The following HECW1 variants were observed in gnomAD, a reference collection of about 807,000 sequenced individuals.
HECW1 encodes HECT, C2 and WW domain containing E3 ubiquitin protein ligase 1.
HECW1 carries 61 observed loss-of-function variants against 182.3 expected under a neutral mutation model. That is an observed-to-expected ratio of 0.33 (90% CI 0.27 to 0.41). The LOEUF is 0.41. HECW1 is among the 10% of genes least tolerant of loss of function. The pLI is 1.00. For missense variants in HECW1, 1,739 were observed against 2,108.9 expected, an observed-to-expected ratio of 0.82 and a Z score of 3.44; for synonymous variants, 859 against 832.6, an observed-to-expected ratio of 1.03 and a Z score of -0.55.
In HECW1 at chr7:43,500,787, G is replaced by A. The variant is rs141534164; in HGVS notation, c.3521+5G>A. The A allele has an allele frequency of 7.0e-5, 113 of 1,612,284 alleles. No homozygotes were observed. Among genetic ancestry groups the A allele is most frequent in the Non-Finnish European group, 8.7e-5 (102 of 1,178,396 alleles). On this transcript the variant is annotated splice_donor_5th_base_variant and intron_variant, in intron 20 of 29. Coordinates refer to ENST00000395891, the MANE Select transcript of HECW1 (RefSeq NM_015052.5). Reference sequence around the variant, plus strand: ...GGATCTGGTCATTTTGCTGAGGTAGGGGGCTAGGCCTGAAATCCTTCTGGA... The same window carrying A: ...GGATCTGGTCATTTTGCTGAGGTAGAGGGCTAGGCCTGAAATCCTTCTGGA...
intron 8 of HECW1, among the ~76,000 whole-genome samples, chr7:43,420,847 C>A (rs1278260194): frequency 6.6e-6 from 1 of 152,114 alleles, no homozygotes; most frequent in Non-Finnish European, 1.5e-5. Context: ...AGTCAATATT[C>A]TTTAGGTGTC....
intron 4 of HECW1, among the ~76,000 whole-genome samples, chr7:43,317,493 T>G (rs1809474724): frequency 6.6e-6 from 1 of 152,252 alleles, no homozygotes; most frequent in African/African-American, 2.4e-5. Flanking sequence ...CAGCCCTGAA[T>G]TCCCTGCATT....
chr7:43,423,641 G>T lies in HECW1; in HGVS notation c.802-14362G>T, dbSNP rs376294206. The stretch of plus-strand genomic sequence containing the variant: ...GAGGAATAGAGTGAGCTGGGCAAGG[G>T]GTTAGCTTGGCACATCCATCCATGG... On this transcript the variant is annotated intron_variant, in intron 8 of 29. Coordinates refer to ENST00000395891, the MANE Select transcript of HECW1 (RefSeq NM_015052.5). Among the ~76,000 whole-genome samples the T allele has an allele frequency of 2.0e-5, 3 of 152,294 alleles. No homozygotes were observed. In the East Asian group the frequency reaches 5.8e-4, roughly 29 times the overall value.
intron 7 of HECW1, 152 bp from the exon 8 acceptor site, chr7:43,407,410 A>C (rs2075647411): frequency 1.8e-6 from 1 of 566,136 alleles, no homozygotes; most frequent in African/African-American, 1.9e-5. Context: ...GGTGACCCTC[A>C]CTCCTTCACC....
chr7:43,431,182 A>G (rs757818305), intron 8 of HECW1, among the ~76,000 whole-genome samples: 12 of 152,178 alleles, frequency 7.9e-5, no homozygotes, highest in Non-Finnish European at 1.3e-4. Context: ...TTGACCTTCA[A>G]TTACATTCAC....
intron 26 of HECW1, among the ~76,000 whole-genome samples, chr7:43,545,500 C>T (rs1004347322): frequency 6.6e-6 from 1 of 152,166 alleles, no homozygotes; most frequent in Non-Finnish European, 1.5e-5. Context: ...AAGGTTAGGG[C>T]GCTGAGTCCT....
At chr7:43,149,826 T>C (rs1789107744) in intron 2 of HECW1, among the ~76,000 whole-genome samples, 1 of 152,302 alleles carries the variant, frequency 6.6e-6, no homozygotes, top group East Asian at 1.9e-4. Context: ...CTTTATATAT[T>C]GCATGATTTG....
chr7:43,556,661 C>T (rs1409431234), intron 29 of HECW1, among the ~76,000 whole-genome samples: 4 of 150,616 alleles, frequency 2.7e-5, no homozygotes, highest in Non-Finnish European at 5.9e-5. Flanking sequence ...ACACTCCAGG[C>T]TGGGCAACAG....
At chr7:43,264,672 G>C (rs1311555832) in intron 3 of HECW1, among the ~76,000 whole-genome samples, 1 of 151,776 alleles carries the variant, frequency 6.6e-6, no homozygotes, top group Non-Finnish European at 1.5e-5. Flanking sequence ...AGTGAACCCC[G>C]TCTCTACTAA....
intron 16 of HECW1, among the ~76,000 whole-genome samples, chr7:43,469,583 A>T (rs2077933822): frequency 6.6e-6 from 1 of 152,204 alleles, no homozygotes; most frequent in African/African-American, 2.4e-5. Context: ...ACAGCCTAAC[A>T]AGCAGGGTGG....
intron 3 of HECW1, chr7:43,274,296 C>A: frequency 1.9e-6 from 2 of 1,039,862 alleles, no homozygotes; most frequent in Non-Finnish European, 1.4e-6. Context: ...GCTTCTGGTA[C>A]TTTGTATCTC....
At chr7:43,313,527 G>A (rs1808806773) in intron 4 of HECW1, among the ~76,000 whole-genome samples, 1 of 152,074 alleles carries the variant, frequency 6.6e-6, no homozygotes, top group South Asian at 2.1e-4. Flanking sequence ...AGTACAGACA[G>A]GGTTTCTCCA....
At position 43,563,530 on chromosome 7, in the gene HECW1, A is replaced by T. The variant is rs954853786; in HGVS notation, c.*1604A>T. On this transcript the variant is annotated 3_prime_UTR_variant, in exon 30 of 30. Transcript: ENST00000395891. ...TTTCATATGAAGCCAATGGCTCATT[A>T]TACCAGTTTGTGTCTGGACAGTGTG... The T allele has an allele frequency of 5.1e-6, 1 of 195,014 alleles. No homozygotes were observed. The highest frequency in any genetic ancestry group is 2.3e-5 in the African/African-American group (1 of 43,132). 12.1% of individuals were successfully genotyped at this position (195,014 alleles called of 1,614,324 possible).
chr7:43,242,106 C>A (rs1482244971), intron 2 of HECW1, among the ~76,000 whole-genome samples: 1 of 152,232 alleles, frequency 6.6e-6, no homozygotes. Context: ...ATCCACTTTG[C>A]ATGTTTGTAT....
At chr7:43,288,425 T>C (rs553281202) in intron 3 of HECW1, among the ~76,000 whole-genome samples, 2 of 152,226 alleles carry the variant, frequency 1.3e-5, no homozygotes, top group Non-Finnish European at 2.9e-5. Context: ...AAGCTTTCCA[T>C]AATTTTAAGT....
At chr7:43,251,838 G>A (rs1800065887) in intron 3 of HECW1, among the ~76,000 whole-genome samples, 1 of 152,184 alleles carries the variant, frequency 6.6e-6, no homozygotes, top group Non-Finnish European at 1.5e-5. Context: ...TCCAGTTACT[G>A]TTTATTTATT....
At position 43,160,623 on chromosome 7, in the gene HECW1, C is replaced by T. The variant is rs145991249; in HGVS notation, c.-32+46232C>T. On this transcript the variant is annotated intron_variant, in intron 2 of 29. Coordinates refer to ENST00000395891, the MANE Select transcript of HECW1 (RefSeq NM_015052.5). ...CAGTGTTTGTTTTTGGAGTTTCTTT[C>T]GTTCCATTGATCTGTGGTTCTGGTC... Among the ~76,000 whole-genome samples the T allele has an allele frequency of 2.8e-4, 43 of 152,246 alleles. 1 individual carries two copies. In the East Asian group the frequency reaches 7.5e-3, roughly 27 times the overall value.
intron 3 of HECW1, among the ~76,000 whole-genome samples, chr7:43,292,836 G>C (rs940272776): frequency 1.3e-5 from 2 of 152,228 alleles, no homozygotes; most frequent in African/African-American, 4.8e-5. Context: ...AGAGGGTTGT[G>C]ACTGCAAGTT....
chr7:43,463,744 A>T lies in HECW1; in HGVS notation c.2736A>T (p.Gly912=). The change falls in exon 14 of 30, where the codon GGA becomes GGT. Residue 912 remains glycine (G), a synonymous_variant. Transcript: ENST00000395891. ...AAAGCTGCGAGCAAGCCCCAGCAGGAGGAGGCGGAGGTGGAGGGAGTGACT... is the reference window on the plus strand; with the variant it reads ...AAAGCTGCGAGCAAGCCCCAGCAGGTGGAGGCGGAGGTGGAGGGAGTGACT... ...GSQSCEQAPA[G]GGGGGGSDSE... The T allele has an allele frequency of 1.2e-6, 2 of 1,614,064 alleles. No individual in the cohort carries two copies. Among genetic ancestry groups the T allele is most frequent in the Non-Finnish European group, 1.7e-6 (2 of 1,180,016 alleles).
Sources: gnomAD v4.1 joint callset for allele counts (sites outside exome capture counted in the v4.1 genomes callset) on GRCh38, gnomAD v4.1.1 for gene constraint, MANE v1.5 for transcripts, NCBI Gene and HGNC (gene_info 2026-07-23, HGNC 2026-07-21) for gene names.